Variants in RASGRF1 observed in about 807,000 individuals in gnomAD.
The protein encoded by RASGRF1 is Ras protein specific guanine nucleotide releasing factor 1.
RASGRF1 carries 40 observed loss-of-function variants against 138.7 expected under a neutral mutation model. The ratio of observed to expected loss-of-function variants is 0.29; its 90% CI spans 0.22 to 0.38. The LOEUF is 0.38. Among genes scored for constraint, RASGRF1 ranks in the 10% least tolerant of loss-of-function variants. The probability of loss-of-function intolerance (pLI) is 1.00; values close to 1 mark genes in which losing one functional copy is unlikely to be tolerated. For synonymous variants in RASGRF1, 614 were observed against 663.2 expected (o/e 0.93, Z 1.14); for missense variants, 1,108 against 1,650.4 (o/e 0.67, Z 5.69).
At chr15:79,001,367 C>G (rs2056520180) in intron 16 of RASGRF1, among the ~76,000 whole-genome samples, 1 of 152,176 alleles carries the variant, frequency 6.6e-6, no homozygotes. Context: ...CTGAGCCTCC[C>G]TGCCCACCTG....
At chr15:78,998,036 G>A (rs2056433430) in intron 19 of RASGRF1, 60 bp downstream of exon 19, 1 of 1,465,146 alleles carries the variant, frequency 6.8e-7, no homozygotes, top group Non-Finnish European at 9.6e-7. Flanking sequence ...CATGGAGGCA[G>A]AAGGCAGGGC....
rs746234614 is a variant in RASGRF1, at chr15:79,046,849, G to A, written c.775C>T (p.Leu259=). The change falls in exon 5 of 27, where the codon CTG becomes TTG. Residue 259 remains leucine (L), a synonymous_variant. Transcript: ENST00000558480. This position sits in a 1 kb window ranked among gnomAD's most constrained non-coding sequence, Gnocchi z 5.3. ...AGGAAATTGTTGACAAGGATGTGCA[G>A]CTGCTGCACGTACTCAGCCTCAGCC... ...LEAEAEYVQQ[L]HILVNNFLRP... 7 of 1,614,134 alleles carry A rather than the reference G, an allele frequency of 4.3e-6. No individual in the cohort carries two copies. In the Admixed American group the frequency reaches 8.3e-5, roughly 19 times the overall value.
intron 13 of RASGRF1, chr15:79,012,574 A>C: frequency 1.2e-6 from 2 of 1,612,302 alleles, no homozygotes; most frequent in Non-Finnish European, 1.7e-6. Flanking sequence ...TGGGTCCTTG[A>C]AGTTGTAAGT....
intron 20 of RASGRF1, among the ~76,000 whole-genome samples, chr15:78,993,416 C>T (rs889290731): frequency 1.5e-4 from 22 of 151,480 alleles, no homozygotes; most frequent in African/African-American, 3.2e-4. Flanking sequence ...TGGTGGCTGT[C>T]GGTGAGTTTT....
intron 5 of RASGRF1, among the ~76,000 whole-genome samples, chr15:79,037,405 AG>A (rs2057237186): frequency 6.6e-6 from 1 of 152,044 alleles, no homozygotes; most frequent in Non-Finnish European, 1.5e-5. Context: ...AGATGGTTTC[AG>A]GACGATTCAA....
rs1223863768 is a variant in RASGRF1 at position 79,006,445 on chromosome 15, A to G, written c.1827-11T>C. 2 of 1,607,072 alleles carry G rather than the reference A, an allele frequency of 1.2e-6. No individual in the cohort carries two copies. Among genetic ancestry groups the G allele is most frequent in the South Asian group, 1.1e-5 (1 of 90,930 alleles). The stretch of plus-strand genomic sequence containing the variant: ...AAGGAGGCGTCGGACCTGAGAGGGG[A>G]GGAAGGATGCAGAGGTGATGTGGGT... On this transcript the variant is annotated splice_polypyrimidine_tract_variant and intron_variant, in intron 13 of 26. Coordinates refer to ENST00000558480, the MANE Select transcript of RASGRF1 (RefSeq NM_001145648.3). This position sits in a 1 kb window ranked among gnomAD's most constrained non-coding sequence, Gnocchi z 4.0.
rs944297428 is a variant in RASGRF1 at position 79,031,878 on chromosome 15, A to G, written c.1152+245T>C. On this transcript the variant is annotated intron_variant, in intron 7 of 26. Transcript: ENST00000558480. The stretch of plus-strand genomic sequence containing the variant: ...TGGAGGCTCTTCCAGGGTCTTGTCT[A>G]GGGCTCTGCTCTGGCTGAGGGTGGG... Among the ~76,000 whole-genome samples the G allele has an allele frequency of 6.6e-5, 10 of 152,124 alleles. No homozygotes were observed. The East Asian group carries it at 1.6e-3, about 24-fold the overall frequency.
At chr15:79,059,648 T>C (rs917194999) in intron 2 of RASGRF1, among the ~76,000 whole-genome samples, 1 of 152,134 alleles carries the variant, frequency 6.6e-6, no homozygotes, top group Non-Finnish European at 1.5e-5. Context: ...CCCCCTTTAG[T>C]GGTTTTGTCT....
chr15:79,022,920 A>C (rs1355410754), intron 10 of RASGRF1, among the ~76,000 whole-genome samples: 2 of 152,176 alleles, frequency 1.3e-5, no homozygotes, highest in Non-Finnish European at 2.9e-5. Context: ...CACGCCTGTA[A>C]TCCCAGCACT....
At chr15:79,060,551 C>T (rs1447291046) in intron 2 of RASGRF1, among the ~76,000 whole-genome samples, 1 of 152,210 alleles carries the variant, frequency 6.6e-6, no homozygotes, top group Non-Finnish European at 1.5e-5. Flanking sequence ...CTCCACCACC[C>T]CCGCTCAGGC....
chr15:78,983,075 C>A (rs1164726803), intron 23 of RASGRF1, among the ~76,000 whole-genome samples: 5 of 152,176 alleles, frequency 3.3e-5, no homozygotes, highest in Non-Finnish European at 5.9e-5. Context: ...ACAGTTCAGG[C>A]CATCTAAGAA....
At chr15:79,064,395 TC>T (rs1207479453) in intron 2 of RASGRF1, 24 bp downstream of exon 2, 2 of 1,605,776 alleles carry the variant, frequency 1.2e-6, no homozygotes, top group African/African-American at 2.7e-5. Context: ...AGTAGGGGCT[TC>T]CTGCCCTGGG....
At chr15:78,978,870 C>T (rs182957951) in intron 24 of RASGRF1, 3 of 1,192,468 alleles carry the variant, frequency 2.5e-6, no homozygotes, top group Non-Finnish European at 2.1e-6. Context: ...TCCAGAGGCC[C>T]GCAGGCCACC....
intron 23 of RASGRF1, chr15:78,981,733 C>T (rs2056036845): frequency 6.6e-6 from 1 of 152,296 alleles, no homozygotes; most frequent in South Asian, 2.1e-4. Context: ...AGCCTCGCCA[C>T]CTGGTGTGGA....
In RASGRF1 at chr15:79,090,284, A is replaced by G. The variant is rs1321705035; in HGVS notation, c.215T>C (p.Val72Ala). The stretch of plus-strand genomic sequence containing the variant: ...CTTGGGGGAGGGCGCGCGGTCGCAG[A>G]CGCAGCCCTCCAGCAGGTAAAGCCC... Reference protein sequence around the residue: ...PSGLYLLEGCVCDRAPSPKPA... With the variant: ...PSGLYLLEGCACDRAPSPKPA... Residue 72 changes from valine to alanine, a missense_variant, in exon 1 of 27, where the codon GTC (valine) becomes GCC (alanine). Around this residue, in one of 3 missense-constraint regions of RASGRF1, gnomAD observed 253 missense variants for 329.5 expected, o/e 0.77. Coordinates refer to ENST00000558480, the MANE Select transcript of RASGRF1 (RefSeq NM_001145648.3). 6.2e-7 allele frequency: 1 copy of G among 1,612,686 alleles called. No individual in the cohort carries two copies. Among genetic ancestry groups the G allele is most frequent in the African/African-American group, 1.3e-5 (1 of 75,012 alleles).
At chr15:79,040,929 T>C (rs2057289861) in intron 5 of RASGRF1, among the ~76,000 whole-genome samples, 1 of 152,210 alleles carries the variant, frequency 6.6e-6, no homozygotes, top group African/African-American at 2.4e-5. Context: ...AGTGATTGAG[T>C]ACCTACTAGG....
In RASGRF1 at chr15:79,006,543, G is replaced by A. The variant is rs2056678629; in HGVS notation, c.1827-109C>T. 2.3e-6 allele frequency: 3 copies of A among 1,329,888 alleles called. No homozygotes were observed. Among genetic ancestry groups the A allele is most frequent in the South Asian group, 2.9e-5 (2 of 69,186 alleles). 82.4% of individuals were successfully genotyped at this position (1,329,888 alleles called of 1,614,324 possible). A position where few individuals can be genotyped will look rare whatever the true frequency, so the allele number is the denominator to read the frequency against. On this transcript the variant is annotated intron_variant, in intron 13 of 26. Transcript: ENST00000558480. This position sits in a 1 kb window ranked among gnomAD's most constrained non-coding sequence, Gnocchi z 4.0. The stretch of plus-strand genomic sequence containing the variant: ...CCCCACACACTGACAACACAGGATG[G>A]TCTTATTAAGAGAACAAGCTTGGGA...
intron 2 of RASGRF1, among the ~76,000 whole-genome samples, chr15:79,060,226 C>A (rs986905938): frequency 6.6e-6 from 1 of 152,156 alleles, no homozygotes; most frequent in African/African-American, 2.4e-5. Context: ...TCCCTTTCTG[C>A]GACCATCACT....
chr15:79,002,936 G>A (rs1009892922), intron 15 of RASGRF1, among the ~76,000 whole-genome samples: 1 of 152,262 alleles, frequency 6.6e-6, no homozygotes, highest in African/African-American at 2.4e-5. Flanking sequence ...GCACGTGGGT[G>A]CGTGCGTGTG....
Sources: gnomAD v4.1 joint callset for allele counts (sites outside exome capture counted in the v4.1 genomes callset) on GRCh38, gnomAD v4.1.1 for gene constraint, gnomAD v4.1.1 regional missense constraint, Gnocchi (gnomAD v3.1) non-coding constraint, MANE v1.5 for transcripts, NCBI Gene and HGNC (gene_info 2026-07-23, HGNC 2026-07-21) for gene names.